Variants in SGCZ observed in about 807,000 individuals in gnomAD.
SGCZ encodes the protein zeta-sarcoglycan.
In SGCZ, 40 loss-of-function variants were observed where a neutral mutation model predicts 41.3. The ratio of observed to expected loss-of-function variants is 0.97; its 90% CI spans 0.75 to 1.26. SGCZ has a LOEUF of 1.26. Among genes scored for constraint, SGCZ ranks in the 50% most tolerant of loss-of-function variants. SGCZ has a pLI of 0.00. For synonymous variants in SGCZ, 206 were observed against 137.5 expected (o/e 1.50, Z -3.49); for missense variants, 552 against 369.8 (o/e 1.49, Z -4.04).
At chr8:14,955,656 C>T (rs1800768251) in intron 1 of SGCZ, among the ~76,000 whole-genome samples, 1 of 152,144 alleles carries the variant, frequency 6.6e-6, no homozygotes, top group Non-Finnish European at 1.5e-5. Flanking sequence ...GGTTGATTTT[C>T]AAATATTTAA....
intron 1 of SGCZ, among the ~76,000 whole-genome samples, chr8:15,051,873 G>T (rs1392816263): frequency 6.6e-6 from 1 of 152,178 alleles, no homozygotes. Context: ...GAGCTGGAAG[G>T]ATAGGAAGTG....
intron 1 of SGCZ, among the ~76,000 whole-genome samples, chr8:15,168,342 A>G (rs1172854704): frequency 6.6e-6 from 1 of 152,232 alleles, no homozygotes; most frequent in African/African-American, 2.4e-5. Context: ...GGTAAAGACC[A>G]AATTACTGTC....
At chr8:14,428,385 T>C (rs1192921897) in intron 2 of SGCZ, among the ~76,000 whole-genome samples, 3 of 152,116 alleles carry the variant, frequency 2.0e-5, no homozygotes, top group Non-Finnish European at 4.4e-5. Context: ...TTGACTTACA[T>C]TAACTTTATT....
At position 14,086,329 on chromosome 8, in the gene SGCZ, C is replaced by T. The variant is rs907557845; in HGVS notation, c.*4114G>A. ...AAATATAACACTCATATGCATTAGA[C>T]GCTCTCCAGGCTATTGCTGCCTCAT... On this transcript the variant is annotated 3_prime_UTR_variant, in exon 8 of 8. Coordinates refer to ENST00000382080, the MANE Select transcript of SGCZ (RefSeq NM_139167.4). Among the ~76,000 whole-genome samples the T allele has an allele frequency of 5.3e-5, 8 of 151,780 alleles. No homozygotes were observed. Among genetic ancestry groups the T allele is most frequent in the African/African-American group, 1.2e-4 (5 of 41,508 alleles).
intron 2 of SGCZ, among the ~76,000 whole-genome samples, chr8:14,383,031 C>T (rs73664339): frequency 0.056 from 8,525 of 152,180 alleles, 800 homozygotes; most frequent in African/African-American, 0.19. Context: ...CTAGATACAG[C>T]CCAATAGAGA....
At chr8:14,690,503 G>A (rs1332595256) in intron 1 of SGCZ, 5 of 152,118 alleles carry the variant, frequency 3.3e-5, no homozygotes, top group Admixed American at 3.3e-4. Flanking sequence ...CATAAATACA[G>A]AAATACAGCA....
chr8:15,110,689 C>A (rs1807013332), intron 1 of SGCZ, among the ~76,000 whole-genome samples: 1 of 152,280 alleles, frequency 6.6e-6, no homozygotes, highest in South Asian at 2.1e-4. Context: ...TTTAAAGAGG[C>A]CAGGCGTGGT....
At chr8:14,489,881 T>TTTTTTTTTC (rs1801793514) in intron 2 of SGCZ, among the ~76,000 whole-genome samples, 1 of 146,296 alleles carries the variant, frequency 6.8e-6, no homozygotes, top group Non-Finnish European at 1.5e-5. Flanking sequence ...TTTTTTTTTT[T>TTTTTTTTTC]CCTGAGATGG....
chr8:14,291,006 G>C (rs764828858), intron 3 of SGCZ, among the ~76,000 whole-genome samples: 10 of 152,082 alleles, frequency 6.6e-5, no homozygotes, highest in Non-Finnish European at 1.0e-4. Context: ...ATAATATTCA[G>C]CTATAAAAAA....
At chr8:15,004,109 G>A (rs1484983740) in intron 1 of SGCZ, among the ~76,000 whole-genome samples, 1 of 152,000 alleles carries the variant, frequency 6.6e-6, no homozygotes, top group Non-Finnish European at 1.5e-5. Context: ...AGAAAGAAAG[G>A]CTCCGTAAGA....
chr8:15,066,775 A>C (rs1050416545), intron 1 of SGCZ, among the ~76,000 whole-genome samples: 2 of 152,190 alleles, frequency 1.3e-5, no homozygotes, highest in African/African-American at 4.8e-5. Context: ...TCTGCCACCT[A>C]GTCTCTTACT....
chr8:14,654,224 A>G (rs923631892), intron 1 of SGCZ, among the ~76,000 whole-genome samples: 11 of 148,798 alleles, frequency 7.4e-5, no homozygotes, highest in African/African-American at 2.0e-4. Context: ...GACAAATTAT[A>G]CAGAGAAATT....
chr8:14,181,173 T>A (rs536363564), intron 4 of SGCZ, among the ~76,000 whole-genome samples: 1 of 152,170 alleles, frequency 6.6e-6, no homozygotes, highest in East Asian at 1.9e-4. Context: ...AATGGATACA[T>A]TTATGAGGGT....
intron 5 of SGCZ, among the ~76,000 whole-genome samples, chr8:14,160,600 T>C (rs908213456): frequency 3.3e-5 from 5 of 152,192 alleles, no homozygotes; most frequent in Admixed American, 3.3e-4. Context: ...TTAAGCAAAC[T>C]TCTCCTGGGC....
chr8:15,232,474 C>T (rs980255116), intron 1 of SGCZ, among the ~76,000 whole-genome samples: 31 of 151,860 alleles, frequency 2.0e-4, no homozygotes, highest in Non-Finnish European at 1.5e-5. Flanking sequence ...TCCAACTTCC[C>T]ACAAATGTAT....
At chr8:14,637,219 T>C (rs1028886563) in intron 1 of SGCZ, among the ~76,000 whole-genome samples, 6 of 151,800 alleles carry the variant, frequency 4.0e-5, no homozygotes, top group African/African-American at 7.2e-5. Flanking sequence ...ATTCAGTCTG[T>C]TTTCTAGACC....
chr8:14,431,209 C>T (rs1185422860), intron 2 of SGCZ, among the ~76,000 whole-genome samples: 1 of 151,928 alleles, frequency 6.6e-6, no homozygotes, highest in Admixed American at 6.6e-5. Flanking sequence ...CATATGGAAT[C>T]AAAAAAGAGC....
intron 1 of SGCZ, among the ~76,000 whole-genome samples, chr8:14,795,625 A>C (rs1801097487): frequency 6.6e-6 from 1 of 152,096 alleles, no homozygotes; most frequent in South Asian, 2.1e-4. Context: ...TTAAGCCCTC[A>C]TATTAAAATG....
chr8:14,869,568 A>G (rs1804067327), intron 1 of SGCZ, among the ~76,000 whole-genome samples: 1 of 152,222 alleles, frequency 6.6e-6, no homozygotes, highest in Non-Finnish European at 1.5e-5. Context: ...TATTCAACAT[A>G]GTGTTGGAAA....
Sources: allele counts gnomAD v4.1 joint callset (sites outside exome capture counted in the v4.1 genomes callset), GRCh38; gene constraint gnomAD v4.1.1; transcripts MANE v1.5; gene names NCBI Gene and HGNC (gene_info 2026-07-23, HGNC 2026-07-21).